Variants in ANKS1B observed in about 807,000 individuals in gnomAD.
ANKS1B encodes the protein ankyrin repeat and sterile alpha motif domain containing 1B.
ANKS1B carries 36 observed loss-of-function variants against 148.3 expected under a neutral mutation model. That is an observed-to-expected ratio of 0.24 (90% confidence interval 0.19 to 0.32). The LOEUF is 0.32. Ranked by LOEUF, ANKS1B falls within the 10% of genes least tolerant of loss-of-function variation. ANKS1B has a pLI of 1.00. For synonymous variants in ANKS1B, 542 were observed against 560.8 expected, an observed-to-expected ratio of 0.97 and a Z score of 0.47; for missense variants, 1,157 against 1,542.6, an observed-to-expected ratio of 0.75 and a Z score of 4.19.
rs1464638773 is a variant in ANKS1B, at chr12:99,585,772, C to T, written c.1272+69295G>A. The stretch of plus-strand genomic sequence containing the variant: ...GTTGCCAATGCTTGGGGCTTGCATC[C>T]TCTGAAGCCATGGCCCAGGCTGTAC... On this transcript the variant is annotated intron_variant, in intron 9 of 26. Coordinates refer to ENST00000683438, the MANE Select transcript of ANKS1B (RefSeq NM_001352186.2). Among the ~76,000 whole-genome samples the T allele has an allele frequency of 3.3e-5, 5 of 152,206 alleles. No individual in the cohort carries two copies. In the East Asian group the frequency reaches 7.7e-4, roughly 23 times the overall value.
chr12:99,280,870 G>GTCTC (rs543317899), intron 12 of ANKS1B, among the ~76,000 whole-genome samples: 1 of 145,390 alleles, frequency 6.9e-6, no homozygotes, highest in South Asian at 2.2e-4. Context: ...CTCTCTGTCT[G>GTCTC]TCTCTCTCTC....
chr12:98,904,744 C>T (rs755327919), intron 17 of ANKS1B, among the ~76,000 whole-genome samples: 28 of 152,120 alleles, frequency 1.8e-4, no homozygotes, highest in Non-Finnish European at 3.5e-4. Context: ...AAGTGCATTC[C>T]AGTGGAATAT....
intron 22 of ANKS1B, chr12:98,794,392 CAAAAAAAAAAAAAAAAAAAA>C (rs571692746): frequency 2.6e-4 from 21 of 79,832 alleles, no homozygotes; most frequent in South Asian, 9.4e-4. Context: ...AACTCTGTCT[CAAAAAAAAAAAAAAAAAAAA>C]AAAAAAAAAA....
At chr12:99,634,582 T>G (rs938212555) in intron 9 of ANKS1B, among the ~76,000 whole-genome samples, 12 of 152,192 alleles carry the variant, frequency 7.9e-5, no homozygotes, top group Admixed American at 1.3e-4. Flanking sequence ...TTAAATGTTG[T>G]AAAATGCTAA....
intron 11 of ANKS1B, among the ~76,000 whole-genome samples, chr12:99,437,594 C>T (rs1001025516): frequency 3.3e-5 from 5 of 151,748 alleles, no homozygotes; most frequent in African/African-American, 1.2e-4. Context: ...GTGTAAAAAC[C>T]CATCTAGCTA....
intron 8 of ANKS1B, among the ~76,000 whole-genome samples, chr12:99,666,375 G>A (rs957765605): frequency 6.6e-6 from 1 of 152,242 alleles, no homozygotes; most frequent in African/African-American, 2.4e-5. Context: ...AGTACAATTT[G>A]GGGAGAACAA....
At chr12:98,894,610 G>C in intron 17 of ANKS1B, 1 of 984,954 alleles carries the variant, frequency 1.0e-6, no homozygotes, top group Non-Finnish European at 1.2e-6. Context: ...GAGCGAGGGG[G>C]CCGCTGTGCC....
At chr12:99,406,452 G>C (rs2094534750) in intron 11 of ANKS1B, among the ~76,000 whole-genome samples, 2 of 145,124 alleles carry the variant, frequency 1.4e-5, no homozygotes, top group South Asian at 4.2e-4. Context: ...AAATTAAGAG[G>C]GGAATTTAAA....
intron 17 of ANKS1B, among the ~76,000 whole-genome samples, chr12:98,851,642 G>A (rs1248003557): frequency 1.3e-5 from 2 of 152,082 alleles, no homozygotes; most frequent in South Asian, 2.1e-4. Flanking sequence ...TAGAAAATAC[G>A]TGTAAAGTGC....
chr12:99,232,330 TTAAC>T (rs2087007934), intron 14 of ANKS1B, among the ~76,000 whole-genome samples: 1 of 152,214 alleles, frequency 6.6e-6, no homozygotes, highest in African/African-American at 2.4e-5. Context: ...TTTTAACTAC[TTAAC>T]TATTTTTATA....
At chr12:98,852,315 T>A (rs866731900) in intron 17 of ANKS1B, among the ~76,000 whole-genome samples, 19 of 151,916 alleles carry the variant, frequency 1.3e-4, no homozygotes, top group Middle Eastern at 3.2e-3. Flanking sequence ...ATCTGAGAAA[T>A]CTCTAGGCGG....
chr12:99,854,324 T>A (rs1384202531), intron 1 of ANKS1B, among the ~76,000 whole-genome samples: 1 of 152,214 alleles, frequency 6.6e-6, no homozygotes, highest in Non-Finnish European at 1.5e-5. Flanking sequence ...GACAAGGTTT[T>A]TGAATTAACC....
intron 12 of ANKS1B, among the ~76,000 whole-genome samples, chr12:99,326,399 A>T (rs953444297): frequency 6.6e-6 from 1 of 152,110 alleles, no homozygotes; most frequent in Non-Finnish European, 1.5e-5. Context: ...CTCCACCACA[A>T]CAATGCTTCA....
intron 12 of ANKS1B, among the ~76,000 whole-genome samples, chr12:99,351,528 T>C (rs1391532865): frequency 6.6e-6 from 1 of 152,028 alleles, no homozygotes; most frequent in East Asian, 1.9e-4. Flanking sequence ...TGGGTTTGAA[T>C]TACAAAGAAC....
intron 1 of ANKS1B, among the ~76,000 whole-genome samples, chr12:99,937,897 A>C (rs1000177696): frequency 6.6e-6 from 1 of 152,146 alleles, no homozygotes; most frequent in African/African-American, 2.4e-5. Context: ...CCTGCCCTCA[A>C]GTTATATATA....
intron 17 of ANKS1B, among the ~76,000 whole-genome samples, chr12:98,929,133 T>C (rs2099811587): frequency 1.3e-5 from 2 of 151,988 alleles, no homozygotes; most frequent in Non-Finnish European, 2.9e-5. Flanking sequence ...TTTCTGTGTA[T>C]TGACAATGAA....
chr12:98,779,814 C>A (rs1044822566), intron 24 of ANKS1B, among the ~76,000 whole-genome samples: 1 of 152,110 alleles, frequency 6.6e-6, no homozygotes, highest in Non-Finnish European at 1.5e-5. Context: ...TTTGAGTCTC[C>A]ACAATTATTA....
intron 17 of ANKS1B, chr12:98,976,587 C>T (rs2099896566): frequency 3.3e-5 from 5 of 152,190 alleles, no homozygotes; most frequent in Admixed American, 3.3e-4. Context: ...ACCCACTCAA[C>T]TGCAGGTGCT....
At chr12:99,515,678 T>G (rs2096811419) in intron 9 of ANKS1B, among the ~76,000 whole-genome samples, 1 of 151,452 alleles carries the variant, frequency 6.6e-6, no homozygotes. Flanking sequence ...CCTTTGGGGG[T>G]GGGGGGTGTA....
Sources: gnomAD v4.1 joint callset for allele counts (sites outside exome capture counted in the v4.1 genomes callset) on GRCh38, gnomAD v4.1.1 for gene constraint, MANE v1.5 for transcripts, NCBI Gene and HGNC (gene_info 2026-07-23, HGNC 2026-07-21) for gene names.